Variants in CELF2 observed in about 807,000 individuals in gnomAD.
CELF2 encodes CUGBP Elav-like family member 2, also known as CUG triplet repeat RNA-binding protein 2.
A neutral mutation model predicts 62.6 loss-of-function variants in CELF2; 8 were observed. That is an observed-to-expected ratio of 0.13 (90% confidence interval 0.07 to 0.23). The LOEUF is 0.23. CELF2 is among the 10% of genes least tolerant of loss of function. The pLI is 1.00. For synonymous variants in CELF2, 258 were observed against 250.0 expected, an observed-to-expected ratio of 1.03 and a Z score of -0.30; for missense variants, 333 against 671.0, an observed-to-expected ratio of 0.50 and a Z score of 5.56.
chr10:10,650,812 C>T, the CELF2 span, among the ~76,000 whole-genome samples: 1 of 152,266 alleles, frequency 6.6e-6, no homozygotes, highest in Non-Finnish European at 1.5e-5. Context: ...TCTGACCCAG[C>T]GATTCCACTC....
In CELF2 at chr10:11,314,292, G is replaced by A; in HGVS notation, c.1096+34G>A. 1 of 1,614,040 alleles carries A rather than the reference G, an allele frequency of 6.2e-7. No homozygotes were observed. Among genetic ancestry groups the A allele is most frequent in the Non-Finnish European group, 8.5e-7 (1 of 1,179,930 alleles). Reference sequence around the variant, plus strand: ...AACAGTGAGTATTTGCTGCTCTGGTGGACAGCCTTCCCCCAAATTCTCCAC... The same window carrying A: ...AACAGTGAGTATTTGCTGCTCTGGTAGACAGCCTTCCCCCAAATTCTCCAC... On this transcript the variant is annotated intron_variant, in intron 10 of 12. Coordinates refer to ENST00000633077, the MANE Select transcript of CELF2 (RefSeq NM_001326342.2). This position sits in a 1 kb window ranked among gnomAD's most constrained non-coding sequence, Gnocchi z 5.3.
chr10:11,060,239 T>G (rs1294089407), intron 1 of CELF2, among the ~76,000 whole-genome samples: 1 of 152,196 alleles, frequency 6.6e-6, no homozygotes, highest in African/African-American at 2.4e-5. Context: ...TGCCATTCAA[T>G]ACAGCCCCTA....
At chr10:11,100,606 C>T (rs12263761) in intron 1 of CELF2, among the ~76,000 whole-genome samples, 2 of 151,826 alleles carry the variant, frequency 1.3e-5, no homozygotes, top group Non-Finnish European at 2.9e-5. Flanking sequence ...AAAGATGATA[C>T]TCAACCCATC....
At chr10:11,203,482 A>G (rs891296017) in intron 2 of CELF2, among the ~76,000 whole-genome samples, 1 of 152,200 alleles carries the variant, frequency 6.6e-6, no homozygotes, top group Admixed American at 6.5e-5. Context: ...CTCTTTGGTT[A>G]GAGACATGGA....
In CELF2 at chr10:11,260,265, G is replaced by A. The variant is rs111404958; in HGVS notation, c.538+2393G>A. Among the ~76,000 whole-genome samples, 502 of 152,294 alleles carry A rather than the reference G, an allele frequency of 3.3e-3. 2 individuals carry two copies. Among genetic ancestry groups the A allele is most frequent in the African/African-American group, 0.011 (450 of 41,556 alleles). On this transcript the variant is annotated intron_variant, in intron 5 of 12. Coordinates refer to ENST00000633077, the MANE Select transcript of CELF2 (RefSeq NM_001326342.2). The surrounding 1 kb of genome is among the most constrained non-coding windows in gnomAD (Gnocchi z 4.2). ...ATGTGTTAGCGGAGAGACCCCGGGC[G>A]GGCAGTATGTGTGCTTGATTTCTGC... is the stretch of plus-strand genomic sequence containing the variant.
chr10:11,323,960 A>G (rs903436877), intron 11 of CELF2, among the ~76,000 whole-genome samples: 15 of 149,506 alleles, frequency 1.0e-4, no homozygotes, highest in Non-Finnish European at 5.9e-5. Flanking sequence ...AACTCGGGGG[A>G]TATACAAAAC....
At chr10:10,670,764 C>A in the CELF2 span, among the ~76,000 whole-genome samples, 6 of 152,016 alleles carry the variant, frequency 3.9e-5, no homozygotes, top group Non-Finnish European at 7.4e-5. Context: ...CCCCTCTAAC[C>A]CTTGACAACC....
chr10:10,772,192 G>A, the CELF2 span, among the ~76,000 whole-genome samples: 1 of 152,112 alleles, frequency 6.6e-6, no homozygotes, highest in Non-Finnish European at 1.5e-5. Context: ...GCTTAAGACT[G>A]TTCTGAGGAT....
chr10:10,917,845 T>C (rs1389171648), intron 1 of CELF2: 1 of 152,242 alleles, frequency 6.6e-6, no homozygotes, highest in East Asian at 1.9e-4. Flanking sequence ...CTCAAAATAA[T>C]GTCAAGTTTG....
the CELF2 span, among the ~76,000 whole-genome samples, chr10:10,521,414 G>A: frequency 6.6e-6 from 1 of 152,310 alleles, no homozygotes; most frequent in Non-Finnish European, 1.5e-5. Flanking sequence ...TCAAGGTTCT[G>A]TGCCTTCAGT....
chr10:10,863,504 T>C (rs1206278254), intron 1 of CELF2, among the ~76,000 whole-genome samples: 3 of 152,196 alleles, frequency 2.0e-5, no homozygotes, highest in African/African-American at 7.2e-5. Context: ...CTCTAAACCT[T>C]GGTTGTCTTA....
intron 1 of CELF2, among the ~76,000 whole-genome samples, chr10:11,069,322 C>T (rs1328613348): frequency 6.6e-6 from 1 of 152,160 alleles, no homozygotes; most frequent in Non-Finnish European, 1.5e-5. Context: ...TGCCAAAAGA[C>T]AGAAGCTCTC....
chr10:10,502,967 C>A, the CELF2 span, among the ~76,000 whole-genome samples: 1 of 151,894 alleles, frequency 6.6e-6, no homozygotes, highest in Non-Finnish European at 1.5e-5. Context: ...TTTTCTATTT[C>A]CCTTGAGACT....
At chr10:11,105,985 A>G (rs969753289) in intron 1 of CELF2, among the ~76,000 whole-genome samples, 1 of 152,244 alleles carries the variant, frequency 6.6e-6, no homozygotes, top group Non-Finnish European at 1.5e-5. Context: ...AAAGCTATGC[A>G]GGTATTCACT....
chr10:11,253,609 CTT>C (rs2077777160), intron 4 of CELF2, among the ~76,000 whole-genome samples: 1 of 152,140 alleles, frequency 6.6e-6, no homozygotes, highest in Non-Finnish European at 1.5e-5. Flanking sequence ...CCAGGTGTGA[CTT>C]TGACAGATTG....
chr10:10,652,994 T>C, the CELF2 span, among the ~76,000 whole-genome samples: 1 of 152,068 alleles, frequency 6.6e-6, no homozygotes, highest in Admixed American at 6.5e-5. Flanking sequence ...GAGACACACA[T>C]AGGCTCAAAA....
At chr10:10,596,741 C>T in the CELF2 span, among the ~76,000 whole-genome samples, 1 of 152,244 alleles carries the variant, frequency 6.6e-6, no homozygotes, top group African/African-American at 2.4e-5. Flanking sequence ...GCCGTGACCT[C>T]AGCTGTCCTT....
chr10:11,104,599 T>G (rs2052825350), intron 1 of CELF2, among the ~76,000 whole-genome samples: 1 of 152,120 alleles, frequency 6.6e-6, no homozygotes, highest in East Asian at 1.9e-4. Flanking sequence ...GGAGGATGGA[T>G]TGCGCCCAGG....
chr10:10,881,843 T>A (rs1029505819), intron 1 of CELF2, among the ~76,000 whole-genome samples: 4 of 152,228 alleles, frequency 2.6e-5, no homozygotes, highest in South Asian at 2.1e-4. Context: ...TTTATCAGGT[T>A]TCCGAAGTGT....
Sources: gnomAD v4.1 joint callset for allele counts (sites outside exome capture counted in the v4.1 genomes callset) on GRCh38, gnomAD v4.1.1 for gene constraint, Gnocchi (gnomAD v3.1) non-coding constraint, MANE v1.5 for transcripts, NCBI Gene and HGNC (gene_info 2026-07-23, HGNC 2026-07-21) for gene names.